Variants in ASB3 observed in about 807,000 individuals in gnomAD.
The protein encoded by ASB3 is ankyrin repeat and SOCS box protein 3.
Under a neutral mutation model 54.5 loss-of-function variants are expected in ASB3, and 41 were observed. The observed-to-expected ratio is 0.75, with a 90% CI of 0.59 to 0.98. The LOEUF (loss-of-function observed/expected upper bound fraction) is 0.98, where lower values mean the gene tolerates loss of function less well. Among genes scored for constraint, ASB3 ranks in the 50% least tolerant of loss-of-function variants. ASB3 has a pLI of 0.00. For synonymous variants in ASB3, 266 were observed against 221.2 expected (o/e 1.20, Z -1.80); for missense variants, 733 against 620.0 (o/e 1.18, Z -1.94).
rs1382888565 is a variant in ASB3 at position 53,695,584 on chromosome 2, T to C, written c.1239-1570A>G. ...ATTTTTATGCAGTTATCTGAACATA[T>C]ACATGACAAGTAAATCTGTTTGCAC... is the stretch of plus-strand genomic sequence containing the variant. On this transcript the variant is annotated intron_variant, in intron 8 of 9. Coordinates refer to ENST00000263634, the MANE Select transcript of ASB3 (RefSeq NM_016115.5). Among the ~76,000 whole-genome samples, 5 of 152,232 alleles carry C rather than the reference T, an allele frequency of 3.3e-5. No homozygotes were observed. The South Asian group carries it at 8.3e-4, about 25-fold the overall frequency.
chr2:53,750,755 G>A (rs200223999), intron 3 of ASB3, 28 bp downstream of exon 3: 1 of 1,451,304 alleles, frequency 6.9e-7, no homozygotes, highest in Non-Finnish European at 9.1e-7. Context: ...ATGAAAAATT[G>A]CATCTGCACC....
chr2:53,739,870 T>C (rs1193500959), intron 3 of ASB3, among the ~76,000 whole-genome samples: 1 of 152,064 alleles, frequency 6.6e-6, no homozygotes, highest in Non-Finnish European at 1.5e-5. Context: ...GACAAGGTCT[T>C]GCTATGTTGC....
intron 2 of ASB3, among the ~76,000 whole-genome samples, chr2:53,755,979 C>T (rs573739227): frequency 2.5e-5 from 3 of 119,828 alleles, no homozygotes; most frequent in African/African-American, 3.8e-5. Context: ...ATAGTAAGAC[C>T]CCCCCCCCAC....
At chr2:53,687,299 A>C (rs1175821507) in intron 9 of ASB3, among the ~76,000 whole-genome samples, 1 of 152,322 alleles carries the variant, frequency 6.6e-6, no homozygotes, top group African/African-American at 2.4e-5. Context: ...CTGGCTCTTA[A>C]ATCTAGAAAT....
intron 9 of ASB3, among the ~76,000 whole-genome samples, chr2:53,689,489 A>G (rs1449911952): frequency 6.6e-6 from 1 of 152,238 alleles, no homozygotes; most frequent in African/African-American, 2.4e-5. Context: ...TTTAGCAGAC[A>G]ACTGGAATGC....
At chr2:53,779,105 T>C (rs1386335958) in intron 1 of ASB3, among the ~76,000 whole-genome samples, 1 of 152,222 alleles carries the variant, frequency 6.6e-6, no homozygotes, top group African/African-American at 2.4e-5. Flanking sequence ...TATCTCATAG[T>C]GGTTTTAATT....
chr2:53,705,493 G>A (rs1025026732), intron 7 of ASB3, among the ~76,000 whole-genome samples: 13 of 152,046 alleles, frequency 8.6e-5, no homozygotes, highest in Non-Finnish European at 1.6e-4. Flanking sequence ...TCTTTGATCC[G>A]GGGAGAGACT....
intron 7 of ASB3, among the ~76,000 whole-genome samples, chr2:53,701,281 A>C (rs1214552386): frequency 6.6e-6 from 1 of 152,216 alleles, no homozygotes; most frequent in African/African-American, 2.4e-5. Flanking sequence ...ATGGTATTAA[A>C]AAAAATTTAA....
chr2:53,695,065 T>C (rs765338396), intron 8 of ASB3, among the ~76,000 whole-genome samples: 1 of 152,120 alleles, frequency 6.6e-6, no homozygotes, highest in Non-Finnish European at 1.5e-5. Flanking sequence ...GGGCTTCTAG[T>C]AATTACTACC....
intron 3 of ASB3, among the ~76,000 whole-genome samples, chr2:53,739,205 A>C (rs1671801205): frequency 6.6e-6 from 1 of 152,242 alleles, no homozygotes; most frequent in African/African-American, 2.4e-5. Flanking sequence ...TTAGGTAACA[A>C]AATATTTTTG....
At chr2:53,687,199 A>G (rs899279291) in intron 9 of ASB3, among the ~76,000 whole-genome samples, 2 of 152,226 alleles carry the variant, frequency 1.3e-5, no homozygotes, top group Admixed American at 6.5e-5. Flanking sequence ...TTAAAATTGT[A>G]AGTGGGCAGT....
chr2:53,744,351 T>C (rs1470153486), intron 3 of ASB3, among the ~76,000 whole-genome samples: 1 of 144,982 alleles, frequency 6.9e-6, no homozygotes, highest in East Asian at 2.1e-4. Context: ...GCCACTGCAC[T>C]CCAGCCTGGG....
At chr2:53,699,166 T>C (rs13414216) in intron 8 of ASB3, among the ~76,000 whole-genome samples, 82,651 of 152,032 alleles carry the variant, frequency 0.54, 22,848 homozygotes, top group African/African-American at 0.63. Flanking sequence ...CAAAAGCATA[T>C]CAGCTCCAGT....
chr2:53,706,181 G>C (rs1458082443), intron 7 of ASB3, among the ~76,000 whole-genome samples: 1 of 152,152 alleles, frequency 6.6e-6, no homozygotes, highest in Non-Finnish European at 1.5e-5. Context: ...AAGTCACACA[G>C]CCATTATACA....
intron 3 of ASB3, among the ~76,000 whole-genome samples, chr2:53,733,491 G>A (rs139311506): frequency 4.4e-4 from 66 of 149,522 alleles, no homozygotes; most frequent in Admixed American, 2.1e-3. Context: ...GCCCAAGCTC[G>A]ACTGCAGTAG....
chr2:53,683,543 G>A (rs556543916), intron 9 of ASB3, among the ~76,000 whole-genome samples: 4 of 152,172 alleles, frequency 2.6e-5, no homozygotes, highest in Admixed American at 6.5e-5. Context: ...ATAGTTTCAG[G>A]AGGATTGGTA....
At chr2:53,737,795 T>G (rs1398735536) in intron 3 of ASB3, among the ~76,000 whole-genome samples, 1 of 151,446 alleles carries the variant, frequency 6.6e-6, no homozygotes, top group Non-Finnish European at 1.5e-5. Context: ...TCGAGAACAC[T>G]TTGAATATCT....
chr2:53,765,216 G>T (rs763107568), intron 2 of ASB3, 161 bp downstream of exon 2: 1 of 625,514 alleles, frequency 1.6e-6, no homozygotes, highest in Non-Finnish European at 2.0e-6. Context: ...TTGAATCCAA[G>T]GCAGGCAATC....
intron 5 of ASB3, among the ~76,000 whole-genome samples, chr2:53,725,271 C>A (rs961433042): frequency 1.3e-5 from 2 of 152,130 alleles, no homozygotes; most frequent in Non-Finnish European, 2.9e-5. Flanking sequence ...ACAACAGATA[C>A]TGGGGACTAA....
Sources: gnomAD v4.1 joint callset for allele counts (sites outside exome capture counted in the v4.1 genomes callset) on GRCh38, gnomAD v4.1.1 for gene constraint, MANE v1.5 for transcripts, NCBI Gene and HGNC (gene_info 2026-07-23, HGNC 2026-07-21) for gene names.